PIEZO2: variants seen among roughly 807,000 people sequenced by gnomAD.
PIEZO2 encodes the protein piezo type mechanosensitive ion channel component 2, also known as piezo-type mechanosensitive ion channel component 2.
PIEZO2 carries 172 observed loss-of-function variants against 337.3 expected under a neutral mutation model. The ratio of observed to expected loss-of-function variants is 0.51; its 90% CI spans 0.45 to 0.58. PIEZO2 has a LOEUF of 0.58. PIEZO2 is among the 20% of genes least tolerant of loss of function. PIEZO2 has a pLI of 0.00. For missense variants in PIEZO2, 3,028 were observed against 3,391.3 expected (o/e 0.89, Z 2.66); for synonymous variants, 1,251 against 1,228.5 (o/e 1.02, Z -0.38).
rs1418411927 is a variant in PIEZO2, at chr18:11,077,794, G to A, written c.65-11572C>T. ...GTCAAAAACAGGTAGATACTAACAC[G>A]TTCAGTTCAACATAAAATAAGGTGG... is the stretch of plus-strand genomic sequence containing the variant. On this transcript the variant is annotated intron_variant, in intron 1 of 55. Coordinates refer to ENST00000674853, the MANE Select transcript of PIEZO2 (RefSeq NM_001378183.1). This position sits in a 1 kb window ranked among gnomAD's most constrained non-coding sequence, Gnocchi z 4.8. Among the ~76,000 whole-genome samples, 2 of 152,128 alleles carry A rather than the reference G, an allele frequency of 1.3e-5. No homozygotes were observed. The highest frequency in any genetic ancestry group is 1.9e-4 in the East Asian group (1 of 5,192).
At chr18:10,957,444 T>C (rs879135471) in intron 3 of PIEZO2, among the ~76,000 whole-genome samples, 2 of 147,852 alleles carry the variant, frequency 1.4e-5, no homozygotes, top group Admixed American at 1.3e-4. Flanking sequence ...CAAAAAAACA[T>C]GATGGGAAAG....
chr18:11,106,859 A>G (rs1418172912), intron 1 of PIEZO2, among the ~76,000 whole-genome samples: 2 of 152,146 alleles, frequency 1.3e-5, no homozygotes, highest in African/African-American at 4.8e-5. Context: ...GCCACTTACA[A>G]ACACTTAAGT....
intron 2 of PIEZO2, among the ~76,000 whole-genome samples, chr18:11,039,777 A>AC (rs1568319976): frequency 1.5e-4 from 13 of 84,684 alleles, no homozygotes; most frequent in African/African-American, 5.5e-4. Context: ...CACACACACA[A>AC]AATTTCTTCC....
At chr18:10,844,915 T>A (rs2041308358) in intron 7 of PIEZO2, among the ~76,000 whole-genome samples, 1 of 152,028 alleles carries the variant, frequency 6.6e-6, no homozygotes. Context: ...TCTAGTCAGG[T>A]CACAAGCACC....
intron 1 of PIEZO2, among the ~76,000 whole-genome samples, chr18:11,086,791 T>A (rs1167634230): frequency 6.6e-6 from 1 of 151,608 alleles, no homozygotes; most frequent in Non-Finnish European, 1.5e-5. Flanking sequence ...GAGCTAAAAA[T>A]GTCATATTTA....
chr18:10,780,295 AAAT>A, intron 18 of PIEZO2, 27 bp downstream of exon 18: 1 of 702,908 alleles, frequency 1.4e-6, no homozygotes. Context: ...CTTCGAACAA[AAAT>A]AAGAGAGAAA....
intron 3 of PIEZO2, among the ~76,000 whole-genome samples, chr18:10,955,627 T>A (rs2033484054): frequency 6.6e-6 from 1 of 152,216 alleles, no homozygotes; most frequent in Admixed American, 6.5e-5. Context: ...GAGAAGAACA[T>A]CTGCTAACAC....
intron 47 of PIEZO2, among the ~76,000 whole-genome samples, chr18:10,694,899 T>C (rs6505585): frequency 0.067 from 10,165 of 152,184 alleles, 612 homozygotes; most frequent in East Asian, 0.2. Flanking sequence ...GGGAGTGCAG[T>C]TCCAGAGGAG....
rs1301467251 is a variant in PIEZO2 at position 10,731,531 on chromosome 18, G to A, written c.4915-10C>T. ...AGGCTTGATAAACAAACTGAAGGGA[G>A]AAAGTTCAATTATTTTCTGGCCTTT... On this transcript the variant is annotated splice_polypyrimidine_tract_variant and intron_variant, in intron 35 of 55. Coordinates refer to ENST00000674853, the MANE Select transcript of PIEZO2 (RefSeq NM_001378183.1). 3 of 1,484,398 alleles carry A rather than the reference G, an allele frequency of 2.0e-6. No individual in the cohort carries two copies. Among genetic ancestry groups the A allele is most frequent in the Admixed American group, 4.4e-5 (2 of 45,536 alleles). 92.0% of individuals were successfully genotyped at this position (1,484,398 alleles called of 1,614,324 possible). A position where few individuals can be genotyped will look rare whatever the true frequency, so the allele number is the denominator to read the frequency against.
At chr18:10,804,237 C>T (rs560905625) in intron 8 of PIEZO2, among the ~76,000 whole-genome samples, 8 of 152,340 alleles carry the variant, frequency 5.3e-5, no homozygotes, top group African/African-American at 1.7e-4. Flanking sequence ...GAATATGCTC[C>T]ATTGTTAAAT....
chr18:10,735,168 A>G (rs2036948919), intron 35 of PIEZO2, among the ~76,000 whole-genome samples, 64 bp downstream of exon 35: 2 of 152,204 alleles, frequency 1.3e-5, no homozygotes, highest in African/African-American at 2.4e-5. Context: ...CAATGAAGGT[A>G]TATTTCTCTA....
At chr18:10,912,413 G>C (rs1414111407) in intron 3 of PIEZO2, among the ~76,000 whole-genome samples, 26 of 152,126 alleles carry the variant, frequency 1.7e-4, no homozygotes, top group Non-Finnish European at 1.0e-4. Context: ...TACCCACCTA[G>C]CCCTAAATTC....
At chr18:10,892,674 G>C (rs970356197) in intron 4 of PIEZO2, among the ~76,000 whole-genome samples, 1 of 152,082 alleles carries the variant, frequency 6.6e-6, no homozygotes. Flanking sequence ...AAGATGGGGA[G>C]AGGGGCGGGG....
rs2034040774 is a variant in PIEZO2 at position 10,677,062 on chromosome 18, A to G, written c.8081+685T>C. Among the ~76,000 whole-genome samples, 1 of 152,196 alleles carries G rather than the reference A, an allele frequency of 6.6e-6. No individual in the cohort carries two copies. Among genetic ancestry groups the G allele is most frequent in the Admixed American group, 6.5e-5 (1 of 15,286 alleles). ...TCTAGTGTGCCCCAAAATGGGTCCC[A>G]ATAGCTGAGGGAGACAGCCACTCTG... On this transcript the variant is annotated intron_variant, in intron 53 of 55. Coordinates refer to ENST00000674853, the MANE Select transcript of PIEZO2 (RefSeq NM_001378183.1). The surrounding 1 kb of genome is among the most constrained non-coding windows in gnomAD (Gnocchi z 4.1).
chr18:11,050,471 C>A (rs1213336126), intron 2 of PIEZO2, among the ~76,000 whole-genome samples: 1 of 151,714 alleles, frequency 6.6e-6, no homozygotes, highest in East Asian at 1.9e-4. Context: ...AGTGATCTGG[C>A]AAAGTGTATG....
Position 10,794,667 on chromosome 18 carries a change from G to T in PIEZO2, c.1758+105C>A. 1.1e-6 allele frequency: 1 copy of T among 908,286 alleles called. No homozygotes were observed. Among genetic ancestry groups the T allele is most frequent in the Non-Finnish European group, 1.6e-6 (1 of 618,966 alleles). 56.3% of individuals were successfully genotyped at this position (908,286 alleles called of 1,614,324 possible). On this transcript the variant is annotated intron_variant, in intron 13 of 55. Transcript: ENST00000674853. The surrounding 1 kb of genome is among the most constrained non-coding windows in gnomAD (Gnocchi z 6.6). The stretch of plus-strand genomic sequence containing the variant: ...CATGTTTGTTCATTTTTACAAAGCA[G>T]TGAATATTTGGAACCTGTTTTTATA...
At chr18:10,796,881 T>C (rs920775751) in intron 12 of PIEZO2, among the ~76,000 whole-genome samples, 1 of 152,172 alleles carries the variant, frequency 6.6e-6, no homozygotes, top group Admixed American at 6.5e-5. Context: ...GTACACACCA[T>C]CATATCATAC....
At chr18:10,977,054 T>C (rs2034472987) in intron 3 of PIEZO2, among the ~76,000 whole-genome samples, 2 of 149,090 alleles carry the variant, frequency 1.3e-5, no homozygotes. Flanking sequence ...CTTGCCTGTC[T>C]GTCTATACTC....
At chr18:10,951,618 GACTTTCCAAGTTCTTGGATT>G (rs2033299845) in intron 3 of PIEZO2, among the ~76,000 whole-genome samples, 1 of 152,178 alleles carries the variant, frequency 6.6e-6, no homozygotes, top group Admixed American at 6.5e-5. Context: ...TGATATCTAA[GACTTTCCAAGTTCTTGGATT>G]ACTTTCCAAG....
Sources: allele counts gnomAD v4.1 joint callset (sites outside exome capture counted in the v4.1 genomes callset), GRCh38; gene constraint gnomAD v4.1.1; non-coding constraint Gnocchi (gnomAD v3.1); transcripts MANE v1.5; gene names NCBI Gene and HGNC (gene_info 2026-07-23, HGNC 2026-07-21).